Variants in TSGA10 observed in about 807,000 individuals in gnomAD.
TSGA10 encodes the protein testis-specific gene 10 protein.
In TSGA10, 43 loss-of-function variants were observed where a neutral mutation model predicts 96.6. That is an observed-to-expected ratio of 0.44 (90% CI 0.35 to 0.57). The LOEUF (loss-of-function observed/expected upper bound fraction) is 0.57. TSGA10 is among the 20% of genes least tolerant of loss of function. TSGA10 has a pLI of 0.01. For synonymous variants in TSGA10, 229 were observed against 269.9 expected (o/e 0.85, Z 1.48); for missense variants, 703 against 834.4 (o/e 0.84, Z 1.94).
chr2:99,098,438 C>CAAAAAAAAAAAAAAAAAA (rs59144676), intron 10 of TSGA10, among the ~76,000 whole-genome samples: 1 of 92,628 alleles, frequency 1.1e-5, no homozygotes, highest in African/African-American at 5.1e-5. Flanking sequence ...GACTCTGCCT[C>CAAAAAAAAAAAAAAAAAA]AAAAAAAAAA....
chr2:99,042,648 C>T (rs533298302), intron 16 of TSGA10, among the ~76,000 whole-genome samples: 3 of 151,864 alleles, frequency 2.0e-5, no homozygotes, highest in Non-Finnish European at 2.9e-5. Context: ...CACATACATA[C>T]GTATATGTGC....
At chr2:99,095,875 G>A (rs888671143) in intron 10 of TSGA10, among the ~76,000 whole-genome samples, 2 of 152,142 alleles carry the variant, frequency 1.3e-5, no homozygotes, top group African/African-American at 4.8e-5. Context: ...TCCTGACCTC[G>A]TGATTCACCA....
chr2:99,116,660 T>C (rs2092284466), intron 4 of TSGA10, among the ~76,000 whole-genome samples: 1 of 151,608 alleles, frequency 6.6e-6, no homozygotes, highest in South Asian at 2.1e-4. Flanking sequence ...AAAACCTTCC[T>C]GAACAAGAAC....
intron 10 of TSGA10, among the ~76,000 whole-genome samples, chr2:99,084,658 C>T (rs1029305400): frequency 6.6e-6 from 1 of 152,074 alleles, no homozygotes; most frequent in Non-Finnish European, 1.5e-5. Flanking sequence ...ACTAATAGAG[C>T]CTCCTGATGT....
intron 12 of TSGA10, among the ~76,000 whole-genome samples, chr2:99,074,048 T>G (rs2086351952): frequency 6.9e-6 from 1 of 144,814 alleles, no homozygotes; most frequent in Non-Finnish European, 1.5e-5. Context: ...GTTTTGCTCT[T>G]GATGCCCCGG....
chr2:99,108,743 G>A, intron 7 of TSGA10, 90 bp downstream of exon 7: 2 of 905,492 alleles, frequency 2.2e-6, no homozygotes, highest in Non-Finnish European at 3.2e-6. Context: ...TGATTTGCAG[G>A]TTTAAGCAGT....
intron 10 of TSGA10, chr2:99,102,431 A>C: frequency 6.2e-7 from 1 of 1,614,020 alleles, no homozygotes; most frequent in Non-Finnish European, 8.5e-7. Context: ...AAATGAGAGA[A>C]ATGCAACAGC....
At chr2:99,106,974 T>A (rs982536050) in intron 7 of TSGA10, among the ~76,000 whole-genome samples, 7 of 152,222 alleles carry the variant, frequency 4.6e-5, no homozygotes, top group African/African-American at 1.7e-4. Context: ...TGCCTCTCTC[T>A]ACTCCAGTCC....
chr2:99,124,456 A>T (rs2092723721), intron 2 of TSGA10, among the ~76,000 whole-genome samples: 1 of 152,202 alleles, frequency 6.6e-6, no homozygotes, highest in Non-Finnish European at 1.5e-5. Flanking sequence ...TTTACAAAAA[A>T]TTGATTAGGA....
intron 2 of TSGA10, among the ~76,000 whole-genome samples, chr2:99,119,354 AT>A (rs1269280979): frequency 6.6e-6 from 1 of 152,062 alleles, no homozygotes; most frequent in African/African-American, 2.4e-5. Context: ...GAAAATGCAA[AT>A]TTGAGGTCAT....
At chr2:99,127,953 T>G (rs1193965206) in intron 1 of TSGA10, among the ~76,000 whole-genome samples, 1 of 152,256 alleles carries the variant, frequency 6.6e-6, no homozygotes, top group Non-Finnish European at 1.5e-5. Context: ...ATTTTTCACT[T>G]TAGCATACTA....
intron 15 of TSGA10, among the ~76,000 whole-genome samples, chr2:99,065,614 G>A (rs1170714144): frequency 1.3e-5 from 2 of 152,086 alleles, no homozygotes; most frequent in Non-Finnish European, 2.9e-5. Flanking sequence ...CCTGTCTGGT[G>A]TCTGCCTTTT....
intron 11 of TSGA10, among the ~76,000 whole-genome samples, chr2:99,079,936 T>C (rs114495222): frequency 0.018 from 2,763 of 152,264 alleles, 87 homozygotes; most frequent in African/African-American, 0.063. Flanking sequence ...GCAGGCAGTA[T>C]TGCCTTTAAG....
intron 1 of TSGA10, chr2:99,147,465 T>G (rs754633740): frequency 3.8e-5 from 62 of 1,613,790 alleles, no homozygotes; most frequent in Non-Finnish European, 4.6e-5. Flanking sequence ...TTGTTCACCC[T>G]TCATGTCCTC....
intron 20 of TSGA10, among the ~76,000 whole-genome samples, chr2:99,002,120 C>T (rs57389760): frequency 2.0e-5 from 3 of 152,144 alleles, no homozygotes; most frequent in South Asian, 2.1e-4. Context: ...CATTCAAATT[C>T]AGGAAATACA....
chr2:99,016,164 A>G (rs148499517), intron 20 of TSGA10, among the ~76,000 whole-genome samples: 1,629 of 152,302 alleles, frequency 0.011, 9 homozygotes, highest in Middle Eastern at 0.027. Flanking sequence ...TAAAATTCAT[A>G]TGGAACCTCA....
chr2:99,051,234 T>A (rs111664470), intron 16 of TSGA10, among the ~76,000 whole-genome samples: 1 of 152,192 alleles, frequency 6.6e-6, no homozygotes, highest in Admixed American at 6.5e-5. Context: ...TTCAACTATA[T>A]GCTGTCTGTA....
At chr2:99,073,141 CAAAAAG>C in intron 12 of TSGA10, 68 bp from the exon 13 acceptor site, 2 of 1,095,434 alleles carry the variant, frequency 1.8e-6, no homozygotes, top group Non-Finnish European at 2.7e-6. Flanking sequence ...ATTGAATGAA[CAAAAAG>C]AAAATTTCCC....
intron 12 of TSGA10, among the ~76,000 whole-genome samples, chr2:99,073,920 C>T (rs945823455): frequency 1.4e-4 from 20 of 145,940 alleles, no homozygotes; most frequent in Admixed American, 2.7e-4. Flanking sequence ...TTTGAATTTT[C>T]AAATTTTAAG....
Sources: allele counts gnomAD v4.1 joint callset (sites outside exome capture counted in the v4.1 genomes callset), GRCh38; gene constraint gnomAD v4.1.1; transcripts MANE v1.5; gene names NCBI Gene and HGNC (gene_info 2026-07-23, HGNC 2026-07-21).